Variants in CFB observed in about 807,000 individuals in gnomAD.
CFB encodes the protein complement factor B.
A neutral mutation model predicts 97.2 loss-of-function variants in CFB; 59 were observed. The observed-to-expected ratio is 0.61, with a 90% CI of 0.49 to 0.75. CFB has a LOEUF of 0.75. CFB is among the 30% of genes least tolerant of loss of function. CFB has a pLI of 0.00. For synonymous variants in CFB, 316 were observed against 351.7 expected (o/e 0.90, Z 1.14); for missense variants, 771 against 959.8 (o/e 0.80, Z 2.60).
At position 31,947,703 on chromosome 6, in the gene CFB, A is replaced by G. The variant is rs755204703; in HGVS notation, c.659-39A>G. 1.4e-5 allele frequency: 22 copies of G among 1,605,414 alleles called. No homozygotes were observed. Among genetic ancestry groups the G allele is most frequent in the Non-Finnish European group, 1.9e-5 (22 of 1,173,308 alleles). ...CGTCTCTTTGGTCACTGTATCCCTG[A>G]CACTCCCAGACATTTGACCTCATTT... On this transcript the variant is annotated intron_variant, in intron 4 of 17. Coordinates refer to ENST00000425368, the MANE Select transcript of CFB (RefSeq NM_001710.6). The surrounding 1 kb of genome is among the most constrained non-coding windows in gnomAD (Gnocchi z 5.3).
Position 31,946,531 on chromosome 6 carries a change from A to G in CFB, c.223A>G (p.Thr75Ala), listed in dbSNP as rs764076195. The G allele has an allele frequency of 2.5e-6, 4 of 1,612,970 alleles. No individual in the cohort carries two copies. Among genetic ancestry groups the G allele is most frequent in the Non-Finnish European group, 3.4e-6 (4 of 1,180,028 alleles). Reference sequence around the variant, plus strand: ...CTACCCGTACCCTGTGCAGACACGTACCTGCAGATCTACGGGGTCCTGGAG... The same window carrying G: ...CTACCCGTACCCTGTGCAGACACGTGCCTGCAGATCTACGGGGTCCTGGAG... ...GFYPYPVQTRTCRSTGSWSTL... is the reference protein window; with the variant it reads ...GFYPYPVQTRACRSTGSWSTL... Residue 75 changes from threonine (T) to alanine (A), a missense_variant, in exon 2 of 18, where the codon ACC becomes GCC. Thr to Ala is a moderately conservative substitution (Grantham distance 58, BLOSUM62 0). Transcript: ENST00000425368. This position sits in a 1 kb window ranked among gnomAD's most constrained non-coding sequence, Gnocchi z 6.4.
Position 31,951,668 on chromosome 6 carries a change from AGCTCAAT to A in CFB, c.2139+67_2139+73del. The A allele has an allele frequency of 6.2e-7, 1 of 1,605,244 alleles. No individual in the cohort carries two copies. The highest frequency in any genetic ancestry group is 8.5e-7 in the Non-Finnish European group (1 of 1,171,904). On this transcript the variant is annotated intron_variant, in intron 17 of 17. Coordinates refer to ENST00000425368, the MANE Select transcript of CFB (RefSeq NM_001710.6). This position sits in a 1 kb window ranked among gnomAD's most constrained non-coding sequence, Gnocchi z 4.3. ...GTCAGCATGGGCCCCAAAGCAGGAA[AGCTCAAT>A]GCATGTGGCTAGTAATTCGAGGTAG...
chr6:31,951,509 C>A lies in CFB; in HGVS notation c.2089+36C>A, dbSNP rs749454281. ...GCTCTTTGGTTGTGCTACAAGTGCC[C>A]AAGGCCCAACAGTCCTTTTCTCTAC... On this transcript the variant is annotated intron_variant, in intron 16 of 17. Transcript: ENST00000425368. This position sits in a 1 kb window ranked among gnomAD's most constrained non-coding sequence, Gnocchi z 4.3. The A allele has an allele frequency of 6.2e-7, 1 of 1,614,052 alleles. No individual in the cohort carries two copies. The highest frequency in any genetic ancestry group is 8.5e-7 in the Non-Finnish European group (1 of 1,180,042).
In CFB at chr6:31,950,411, T is replaced by A; in HGVS notation, c.1624+8T>A. 6.2e-7 allele frequency: 1 copy of A among 1,610,652 alleles called. No individual in the cohort carries two copies. The highest frequency in any genetic ancestry group is 1.6e-4 in the Middle Eastern group (1 of 6,062). Reference sequence around the variant, plus strand: ...CAATCAAGGTCAGCGTAGGTAAGGATGCAACTGAAGGTCCTGGGCTGCACC... The same window carrying A: ...CAATCAAGGTCAGCGTAGGTAAGGAAGCAACTGAAGGTCCTGGGCTGCACC... On this transcript the variant is annotated splice_region_variant and intron_variant, in intron 12 of 17. Coordinates refer to ENST00000425368, the MANE Select transcript of CFB (RefSeq NM_001710.6).
At position 31,950,211 on chromosome 6, in the gene CFB, G is replaced by C. The variant is rs567055947; in HGVS notation, c.1506+64G>C. 15 of 1,605,986 alleles carry C rather than the reference G, an allele frequency of 9.3e-6. No individual in the cohort carries two copies. In the Admixed American group the frequency reaches 1.0e-4, roughly 11 times the overall value. On this transcript the variant is annotated intron_variant, in intron 11 of 17. Transcript: ENST00000425368. ...TGAGGTCAAGGTGAAATGGGAGTAG[G>C]GGAAGGAAAAAATGGCCATAAGAGA... is the stretch of plus-strand genomic sequence containing the variant.
chr6:31,946,168 G>A lies in CFB; in HGVS notation c.-54G>A, dbSNP rs1348542908. 7.5e-6 allele frequency: 12 copies of A among 1,593,944 alleles called. No individual in the cohort carries two copies. Among genetic ancestry groups the A allele is most frequent in the Admixed American group, 1.7e-5 (1 of 59,982 alleles). ...TGAGCCAAGCAGACAAGCAAAGCAAGCCAGGACACACCATCCTGCCCCAGG... is the reference window on the plus strand; with the variant it reads ...TGAGCCAAGCAGACAAGCAAAGCAAACCAGGACACACCATCCTGCCCCAGG... On this transcript the variant is annotated 5_prime_UTR_variant, in exon 1 of 18. Coordinates refer to ENST00000425368, the MANE Select transcript of CFB (RefSeq NM_001710.6). This position sits in a 1 kb window ranked among gnomAD's most constrained non-coding sequence, Gnocchi z 6.4.
chr6:31,949,673 T>C, intron 10 of CFB, 116 bp downstream of exon 10: 2 of 1,246,944 alleles, frequency 1.6e-6, no homozygotes, highest in East Asian at 2.5e-5. Context: ...CATTCCTCCT[T>C]CTCTACCTCA....
intron 7 of CFB, 67 bp downstream of exon 7, chr6:31,948,579 G>C: frequency 3.7e-6 from 6 of 1,606,480 alleles, no homozygotes; most frequent in African/African-American, 1.3e-5. Context: ...AGGGGGTCAT[G>C]AGACTACCTT....
In CFB at chr6:31,947,176, G is replaced by C; in HGVS notation, c.468G>C (p.Ala156=). ...QVNGRWSGQT[A]ICDNGAGYCS... is the part of the protein sequence containing the mutation. ...ATGGCCGATGGAGTGGGCAGACAGCGATCTGTGACAACGGAGGTGAGAAGC... is the reference window on the plus strand; with the variant it reads ...ATGGCCGATGGAGTGGGCAGACAGCCATCTGTGACAACGGAGGTGAGAAGC... The change falls in exon 3 of 18, where the codon GCG becomes GCC. Residue 156 remains alanine, a synonymous_variant. Coordinates refer to ENST00000425368, the MANE Select transcript of CFB (RefSeq NM_001710.6). This position sits in a 1 kb window ranked among gnomAD's most constrained non-coding sequence, Gnocchi z 5.3. 5.6e-6 allele frequency: 9 copies of C among 1,612,396 alleles called. No homozygotes were observed. The highest frequency in any genetic ancestry group is 1.3e-5 in the African/African-American group (1 of 74,986).
Position 31,948,810 on chromosome 6 carries a change from G to A in CFB, c.1037-20G>A, listed in dbSNP as rs764779585. ...GGCTTGGAAGACCAGGTGAGGTGAT[G>A]GTCTCTTCCCTCTCCACAGACCACA... On this transcript the variant is annotated intron_variant, in intron 7 of 17. Coordinates refer to ENST00000425368, the MANE Select transcript of CFB (RefSeq NM_001710.6). 1.2e-6 allele frequency: 2 copies of A among 1,612,880 alleles called. No individual in the cohort carries two copies. The highest frequency in any genetic ancestry group is 1.3e-5 in the African/African-American group (1 of 74,894).
In CFB at chr6:31,951,900, T is replaced by C. The variant is rs1236353554; in HGVS notation, c.2165T>C (p.Val722Ala). ...IQVGVISWGV[V>A]DVCKNQKRQK... ...GTTGGTGTAATCAGCTGGGGAGTAG[T>C]GGATGTCTGCAAAAACCAGAAGCGG... is the stretch of plus-strand genomic sequence containing the variant. Residue 722 changes from valine (V) to alanine (A), a missense_variant, in exon 18 of 18, where the codon GTG becomes GCG. Physicochemically the swap from Val to Ala is moderately conservative, Grantham distance 64 (BLOSUM62 0). Coordinates refer to ENST00000425368, the MANE Select transcript of CFB (RefSeq NM_001710.6). This position sits in a 1 kb window ranked among gnomAD's most constrained non-coding sequence, Gnocchi z 4.3. 2 of 1,613,104 alleles carry C rather than the reference T, an allele frequency of 1.2e-6. No individual in the cohort carries two copies. Among genetic ancestry groups the C allele is most frequent in the South Asian group, 1.1e-5 (1 of 91,078 alleles).
Position 31,949,362 on chromosome 6 carries a change from G to A in CFB, c.1270+18G>A, listed in dbSNP as rs1771617678. The A allele has an allele frequency of 9.3e-6, 15 of 1,614,040 alleles. No individual in the cohort carries two copies. Among genetic ancestry groups the A allele is most frequent in the Non-Finnish European group, 1.3e-5 (15 of 1,180,044 alleles). On this transcript the variant is annotated intron_variant, in intron 9 of 17. Coordinates refer to ENST00000425368, the MANE Select transcript of CFB (RefSeq NM_001710.6). ...TTATCTGGGTGAGTAACCTGCCTAGGACCCAGCACCCCACTTCCTCAGGGC... is the reference window on the plus strand; with the variant it reads ...TTATCTGGGTGAGTAACCTGCCTAGAACCCAGCACCCCACTTCCTCAGGGC...
chr6:31,950,115 A>C lies in CFB; in HGVS notation c.1474A>C (p.Lys492Gln), dbSNP rs890116845. 2 of 1,612,948 alleles carry C rather than the reference A, an allele frequency of 1.2e-6. No individual in the cohort carries two copies. The highest frequency in any genetic ancestry group is 1.7e-6 in the Non-Finnish European group (2 of 1,180,050). The change falls in exon 11 of 18, where the codon AAG (lysine) becomes CAG (glutamine). Residue 492 changes from lysine to glutamine, a missense_variant. Physicochemically the swap from Lys to Gln is moderately conservative, Grantham distance 53. Transcript: ENST00000425368. The stretch of plus-strand genomic sequence containing the variant: ...ACACAGGAAGGGTACCGATTACCAC[A>C]AGCAACCATGGCAGGCCAAGATCTC... ...WEHRKGTDYH[K>Q]QPWQAKISVI...
In CFB at chr6:31,950,034, TCTC is replaced by T. The variant is rs1484515709; in HGVS notation, c.1409-13_1409-11del. On this transcript the variant is annotated splice_polypyrimidine_tract_variant and intron_variant, in intron 10 of 17. Coordinates refer to ENST00000425368, the MANE Select transcript of CFB (RefSeq NM_001710.6). ...GAAGTGTTCCGAGTTTTCAGCACAT[TCTC>T]CTTCTCTGCCAGATGAAAGCCAGTC... 1 of 1,612,572 alleles carries T rather than the reference TCTC, an allele frequency of 6.2e-7. No individual in the cohort carries two copies. Among genetic ancestry groups the T allele is most frequent in the South Asian group, 1.1e-5 (1 of 91,064 alleles).
At chr6:31,949,749 C>T (rs1771637949) in intron 10 of CFB, 192 bp downstream of exon 10, 11 of 773,206 alleles carry the variant, frequency 1.4e-5, no homozygotes, top group Non-Finnish European at 2.1e-5. Context: ...CTGAGCACTT[C>T]AGAGATCTTT....
Position 31,948,223 on chromosome 6 carries a change from T to C in CFB, c.897+142T>C, listed in dbSNP as rs1771557159. The C allele has an allele frequency of 3.3e-6, 5 of 1,498,654 alleles. No homozygotes were observed. The Admixed American group carries it at 7.5e-5, about 22-fold the overall frequency. The allele number at this position is 1,498,654 out of a possible 1,614,324, so 92.8% of individuals were successfully genotyped here. ...CTATTCTGTCCTCCTTCCCTTTTAC[T>C]TGAAGCAGTTTCTTGACTGGTAATT... On this transcript the variant is annotated intron_variant, in intron 6 of 17. Transcript: ENST00000425368.
chr6:31,950,252 G>C, intron 11 of CFB, 34 bp from the exon 12 acceptor site: 1 of 1,609,600 alleles, frequency 6.2e-7, no homozygotes, highest in African/African-American at 1.3e-5. Context: ...GTTTGTGAAA[G>C]TTGAGCTTTC....
At position 31,949,490 on chromosome 6, in the gene CFB, C is replaced by A. The variant is rs750393465; in HGVS notation, c.1341C>A (p.Asp447Glu). The A allele has an allele frequency of 2.5e-6, 4 of 1,613,816 alleles. No individual in the cohort carries two copies. The highest frequency in any genetic ancestry group is 2.2e-5 in the South Asian group (2 of 91,086). ...VNINALASKK[D>E]NEQHVFKVKD... is the part of the protein sequence containing the mutation. The stretch of plus-strand genomic sequence containing the variant: ...TCAATGCTTTGGCTTCCAAGAAAGA[C>A]AATGAGCAACATGTGTTCAAAGTCA... The change falls in exon 10 of 18, where the codon GAC (aspartate) becomes GAA (glutamate). Residue 447 changes from aspartate (D) to glutamate (E), a missense_variant. Transcript: ENST00000425368.
Position 31,951,421 on chromosome 6 carries a change from G to C in CFB, c.2037G>C (p.Arg679=). ...VKDISEVVTP[R]FLCTGGVSPY... ...ACATCTCAGAGGTGGTCACCCCTCG[G>C]TTCCTTTGTACTGGAGGAGTGAGTC... is the stretch of plus-strand genomic sequence containing the variant. Residue 679 remains arginine (R), a synonymous_variant, in exon 16 of 18, where the codon CGG becomes CGC. Coordinates refer to ENST00000425368, the MANE Select transcript of CFB (RefSeq NM_001710.6). This position sits in a 1 kb window ranked among gnomAD's most constrained non-coding sequence, Gnocchi z 4.3. 3 of 1,614,164 alleles carry C rather than the reference G, an allele frequency of 1.9e-6. No homozygotes were observed. Among genetic ancestry groups the C allele is most frequent in the Non-Finnish European group, 2.5e-6 (3 of 1,180,026 alleles).
Sources: allele counts gnomAD v4.1 joint callset, GRCh38; gene constraint gnomAD v4.1.1; non-coding constraint Gnocchi (gnomAD v3.1); transcripts MANE v1.5; gene names NCBI Gene and HGNC (gene_info 2026-07-23, HGNC 2026-07-21).